SMARCC1: variants seen among roughly 807,000 people sequenced by gnomAD.
SMARCC1 encodes the protein SWI/SNF related BAF chromatin remodeling complex subunit C1, also known as SWI/SNF complex subunit SMARCC1.
Under a neutral mutation model 147.4 loss-of-function variants are expected in SMARCC1, and 43 were observed. The ratio of observed to expected loss-of-function variants is 0.29; its 90% CI spans 0.23 to 0.38. SMARCC1 has a LOEUF of 0.38. Among genes scored for constraint, SMARCC1 ranks in the 10% least tolerant of loss-of-function variants. The pLI is 1.00. For missense variants in SMARCC1, 1,119 were observed against 1,381.1 expected (o/e 0.81, Z 3.01); for synonymous variants, 495 against 484.4 (o/e 1.02, Z -0.29).
At chr3:47,764,163 A>C (rs1463244272) in intron 2 of SMARCC1, among the ~76,000 whole-genome samples, 2 of 152,098 alleles carry the variant, frequency 1.3e-5, no homozygotes, top group Non-Finnish European at 2.9e-5. Flanking sequence ...TCAGCTCCCA[A>C]GTAGTTGGGA....
intron 20 of SMARCC1, among the ~76,000 whole-genome samples, chr3:47,661,744 A>G (rs1014637877): frequency 2.0e-5 from 3 of 152,092 alleles, no homozygotes; most frequent in African/African-American, 4.8e-5. Context: ...CCATATTTTA[A>G]CTGCTTACTA....
intron 27 of SMARCC1, among the ~76,000 whole-genome samples, chr3:47,590,214 A>G (rs1056491350): frequency 3.3e-5 from 5 of 152,264 alleles, no homozygotes; most frequent in Admixed American, 2.0e-4. Context: ...CACTACTAAT[A>G]TAACAAAAAT....
chr3:47,638,854 G>C, intron 21 of SMARCC1, 74 bp from the exon 22 acceptor site: 1 of 1,019,570 alleles, frequency 9.8e-7, no homozygotes, highest in South Asian at 1.3e-5. Flanking sequence ...AGCTGTGAGA[G>C]TGTCTGAAAT....
At chr3:47,707,239 T>C (rs925144478) in intron 9 of SMARCC1, among the ~76,000 whole-genome samples, 2 of 151,248 alleles carry the variant, frequency 1.3e-5, no homozygotes, top group Non-Finnish European at 2.9e-5. Context: ...TTGAACCCGG[T>C]AGGCAAAGGT....
chr3:47,779,055 T>C (rs537204812), intron 1 of SMARCC1, among the ~76,000 whole-genome samples: 7 of 147,730 alleles, frequency 4.7e-5, no homozygotes, highest in Admixed American at 6.9e-5. Flanking sequence ...GTAAATAATA[T>C]CTATCATTTA....
At chr3:47,743,067 A>G in intron 3 of SMARCC1, among the ~76,000 whole-genome samples, 1 of 152,242 alleles carries the variant, frequency 6.6e-6, no homozygotes, top group East Asian at 1.9e-4. Context: ...GCTTGCCGTA[A>G]TAACAAAACC....
chr3:47,701,413 C>T lies in SMARCC1; in HGVS notation c.1041-11G>A. On this transcript the variant is annotated splice_polypyrimidine_tract_variant and intron_variant, in intron 10 of 27. Coordinates refer to ENST00000254480, the MANE Select transcript of SMARCC1 (RefSeq NM_003074.4). Reference sequence around the variant, plus strand: ...TAAAGGCTAGCTTGGCTAAAACATACAAGTATATGAAATATAAACAAGACT... The same window carrying T: ...TAAAGGCTAGCTTGGCTAAAACATATAAGTATATGAAATATAAACAAGACT... 1 of 1,612,536 alleles carries T rather than the reference C, an allele frequency of 6.2e-7. No homozygotes were observed.
At chr3:47,777,101 TGA>T (rs1559670703) in intron 1 of SMARCC1, among the ~76,000 whole-genome samples, 1 of 149,956 alleles carries the variant, frequency 6.7e-6, no homozygotes, top group Non-Finnish European at 1.5e-5. Context: ...TTTTTTTTTT[TGA>T]GAGAGTCTTG....
intron 22 of SMARCC1, among the ~76,000 whole-genome samples, chr3:47,636,938 C>A (rs908699715): frequency 1.3e-5 from 2 of 152,008 alleles, no homozygotes; most frequent in African/African-American, 4.8e-5. Context: ...TTGACAAAGT[C>A]TTTTAATACA....
intron 9 of SMARCC1, among the ~76,000 whole-genome samples, chr3:47,709,242 T>C (rs770929856): frequency 3.3e-4 from 48 of 145,720 alleles, no homozygotes; most frequent in Middle Eastern, 3.8e-3. Flanking sequence ...GCCTGGGCAA[T>C]AGAACGAGAC....
chr3:47,593,510 G>A (rs888843422), intron 26 of SMARCC1, among the ~76,000 whole-genome samples: 4 of 152,116 alleles, frequency 2.6e-5, no homozygotes, highest in Non-Finnish European at 5.9e-5. Flanking sequence ...ATTCTCTACA[G>A]AATAAGAAAA....
intron 7 of SMARCC1, among the ~76,000 whole-genome samples, chr3:47,717,111 T>C (rs1175175561): frequency 6.6e-6 from 1 of 152,176 alleles, no homozygotes; most frequent in Non-Finnish European, 1.5e-5. Flanking sequence ...AACTTCCTTC[T>C]TTTAAAAATA....
chr3:47,721,818 C>T (rs1465967439), intron 6 of SMARCC1, among the ~76,000 whole-genome samples: 1 of 151,906 alleles, frequency 6.6e-6, no homozygotes, highest in African/African-American at 2.4e-5. Flanking sequence ...CAAGACCACC[C>T]TGGGCAACAA....
intron 15 of SMARCC1, 182 bp from the exon 16 acceptor site, chr3:47,678,493 G>A: frequency 2.4e-6 from 1 of 410,854 alleles, no homozygotes. Flanking sequence ...CCACGAATAT[G>A]CAAAACAACT....
intron 21 of SMARCC1, among the ~76,000 whole-genome samples, chr3:47,652,933 C>T (rs2033208655): frequency 6.7e-6 from 1 of 149,700 alleles, no homozygotes; most frequent in South Asian, 2.1e-4. Flanking sequence ...TTTGAGTGTT[C>T]ATCCAGCTTT....
At chr3:47,749,442 T>C (rs2034601889) in intron 2 of SMARCC1, among the ~76,000 whole-genome samples, 1 of 151,364 alleles carries the variant, frequency 6.6e-6, no homozygotes, top group Admixed American at 6.6e-5. Context: ...GGCAGGATCA[T>C]ATGAGACCAG....
intron 6 of SMARCC1, among the ~76,000 whole-genome samples, chr3:47,726,916 T>A (rs2034306112): frequency 6.6e-6 from 1 of 152,152 alleles, no homozygotes; most frequent in African/African-American, 2.4e-5. Context: ...TGAATAATAT[T>A]CCACTGTGTG....
chr3:47,694,769 T>C (rs1306360552), intron 11 of SMARCC1, among the ~76,000 whole-genome samples: 1 of 152,204 alleles, frequency 6.6e-6, no homozygotes, highest in Non-Finnish European at 1.5e-5. Flanking sequence ...TTGAAGAACT[T>C]GCATATTCTT....
intron 24 of SMARCC1, among the ~76,000 whole-genome samples, chr3:47,625,272 C>T (rs1037734162): frequency 6.6e-6 from 1 of 151,382 alleles, no homozygotes; most frequent in African/African-American, 2.4e-5. Context: ...CCAGCTTGGC[C>T]AACATGGCAA....
Sources: allele counts gnomAD v4.1 joint callset (sites outside exome capture counted in the v4.1 genomes callset), GRCh38; gene constraint gnomAD v4.1.1; transcripts MANE v1.5; gene names NCBI Gene and HGNC (gene_info 2026-07-23, HGNC 2026-07-21).